The following FGFR4 variants were observed in gnomAD, a reference collection of about 807,000 sequenced individuals.
The protein encoded by FGFR4 is hydroxyaryl-protein kinase.
In FGFR4, 63 loss-of-function variants were observed where a neutral mutation model predicts 89.9. That is an observed-to-expected ratio of 0.70 (90% CI 0.57 to 0.86). The LOEUF is 0.86. Among genes scored for constraint, FGFR4 ranks in the 40% least tolerant of loss-of-function variants. The pLI is 0.00. For missense variants in FGFR4, 928 were observed against 1,106.7 expected (o/e 0.84, Z 2.29); for synonymous variants, 486 against 479.4 (o/e 1.01, Z -0.18).
intron 3 of FGFR4, 31 bp from the exon 4 acceptor site, chr5:177,090,714 C>G: frequency 6.4e-7 from 1 of 1,571,252 alleles, no homozygotes; most frequent in Non-Finnish European, 8.6e-7. Flanking sequence ...CCCTCTTGGA[C>G]CTTAGATGCT....
rs1364965971 is a variant in FGFR4, at chr5:177,093,310, C to T, written c.1230C>T (p.Ser410=). 1.9e-6 allele frequency: 3 copies of T among 1,613,818 alleles called. No individual in the cohort carries two copies. In the South Asian group the frequency reaches 3.3e-5, roughly 18 times the overall value. The change falls in exon 9 of 18, where the codon TCC becomes TCT. Residue 410 remains serine (S), a synonymous_variant. Coordinates refer to ENST00000292408, the MANE Select transcript of FGFR4 (RefSeq NM_213647.3). The surrounding 1 kb of genome is among the most constrained non-coding windows in gnomAD (Gnocchi z 5.8). ...PRPPATVQKL[S]RFPLARQFSL... is the part of the protein sequence containing the mutation. ...CGCCCGCCACTGTGCAGAAGCTCTCCCGCTTCCCTCTGGCCCGACAGGTAC... is the reference window on the plus strand; with the variant it reads ...CGCCCGCCACTGTGCAGAAGCTCTCTCGCTTCCCTCTGGCCCGACAGGTAC...
chr5:177,090,804 A>G lies in FGFR4; in HGVS notation c.415A>G (p.Arg139Gly). The G allele has an allele frequency of 6.2e-7, 1 of 1,614,064 alleles. No individual in the cohort carries two copies. Among genetic ancestry groups the G allele is most frequent in the Non-Finnish European group, 8.5e-7 (1 of 1,179,958 alleles). Reference protein sequence around the residue: ...DPKSHRDPSNRHSYPQQAPYW... With the variant: ...DPKSHRDPSNGHSYPQQAPYW... ...CAAGTCCCATAGGGACCCCTCGAAT[A>G]GGCACAGTTACCCCCAGCAAGGTCA... Residue 139 changes from arginine (R) to glycine (G), a missense_variant, in exon 4 of 18, where the codon AGG becomes GGG. Arg to Gly is a moderately radical substitution (Grantham distance 125). Around this residue, in one of 5 missense-constraint regions of FGFR4, gnomAD observed 741 missense variants for 836.9 expected, o/e 0.89. Coordinates refer to ENST00000292408, the MANE Select transcript of FGFR4 (RefSeq NM_213647.3).
At position 177,097,857 on chromosome 5, in the gene FGFR4, T is replaced by A. The variant is rs1784668147; in HGVS notation, c.*181T>A. 3 of 674,396 alleles carry A rather than the reference T, an allele frequency of 4.4e-6. No individual in the cohort carries two copies. In the African/African-American group the frequency reaches 5.4e-5, roughly 12 times the overall value. 41.8% of individuals were successfully genotyped at this position (674,396 alleles called of 1,614,324 possible). ...CGTGCCTGTGTCCTGATGGCCCAAA[T>A]GTCAGGGTTCTGCTCGGCTTCTTGG... is the stretch of plus-strand genomic sequence containing the variant. On this transcript the variant is annotated 3_prime_UTR_variant, in exon 18 of 18. Transcript: ENST00000292408.
rs776973649 is a variant in FGFR4 at position 177,096,290 on chromosome 5, C to T, written c.1948C>T (p.Arg650Cys). Residue 650 changes from arginine (R) to cysteine (C), a missense_variant, in exon 15 of 18, where the codon CGC (arginine) becomes TGC (cysteine). Physicochemically the swap from Arg to Cys is radical, Grantham distance 180. Around this residue, in one of 5 missense-constraint regions of FGFR4, gnomAD observed 27 missense variants for 64.4 expected, o/e 0.42. Transcript: ENST00000292408. Reference protein sequence around the residue: ...IDYYKKTSNGRLPVKWMAPEA... With the variant: ...IDYYKKTSNGCLPVKWMAPEA... ...TGAGGCCCTCTCTCCCCTCCAGGGC[C>T]GCCTGCCTGTGAAGTGGATGGCGCC... 1.1e-5 allele frequency: 17 copies of T among 1,614,128 alleles called. No individual in the cohort carries two copies. Among genetic ancestry groups the T allele is most frequent in the African/African-American group, 1.3e-5 (1 of 75,044 alleles).
rs61737768 is a variant in FGFR4 at position 177,093,464 on chromosome 5, G to C, written c.1310G>C (p.Arg437Pro). ...AGCTCATCCCTGGTACGAGGCGTGC[G>C]TCTCTCCTCCAGCGGCCCCGCCTTG... ...KSSSSLVRGV[R>P]LSSSGPALLA... is the part of the protein sequence containing the mutation. Residue 437 changes from arginine to proline, a missense_variant, in exon 10 of 18, where the codon CGT becomes CCT. Around this residue, in one of 5 missense-constraint regions of FGFR4, gnomAD observed 741 missense variants for 836.9 expected, o/e 0.89. Coordinates refer to ENST00000292408, the MANE Select transcript of FGFR4 (RefSeq NM_213647.3). The surrounding 1 kb of genome is among the most constrained non-coding windows in gnomAD (Gnocchi z 5.8). 6.2e-7 allele frequency: 1 copy of C among 1,614,008 alleles called. No individual in the cohort carries two copies. Among genetic ancestry groups the C allele is most frequent in the Non-Finnish European group, 8.5e-7 (1 of 1,180,018 alleles).
chr5:177,094,897 G>T, intron 11 of FGFR4: 1 of 176,784 alleles, frequency 5.7e-6, no homozygotes, highest in Non-Finnish European at 1.2e-5. Flanking sequence ...CAGGCCAGTT[G>T]GAAGCCAGGC....
rs746011046 is a variant in FGFR4 at position 177,092,898 on chromosome 5, G to A, written c.1057+114G>A. ...TGGCCTGTGGGGTCTGGCCTGGGGG[G>A]CAGTGTGTGGATTTGTGGGTTTGAG... On this transcript the variant is annotated intron_variant, in intron 8 of 17. Coordinates refer to ENST00000292408, the MANE Select transcript of FGFR4 (RefSeq NM_213647.3). The A allele has an allele frequency of 2.6e-5, 39 of 1,527,172 alleles. No homozygotes were observed. In the South Asian group the frequency reaches 3.5e-4, roughly 14 times the overall value. 94.6% of individuals were successfully genotyped at this position (1,527,172 alleles called of 1,614,324 possible). A position where few individuals can be genotyped will look rare whatever the true frequency, so the allele number is the denominator to read the frequency against.
chr5:177,090,852 C>A, intron 4 of FGFR4, 27 bp downstream of exon 4: 3 of 1,613,902 alleles, frequency 1.9e-6, no homozygotes, highest in Non-Finnish European at 2.5e-6. Context: ...GGACTTGTGT[C>A]CCCGCTGCTG....
At chr5:177,090,342 C>T (rs1305379229) in intron 2 of FGFR4, 48 bp from the exon 3 acceptor site, 1 of 1,598,986 alleles carries the variant, frequency 6.3e-7, no homozygotes. Context: ...CAGGAGGCTG[C>T]CTCAGATGGG....
rs1287130109 is a variant in FGFR4, at chr5:177,095,834, TCA to T, written c.1821+112_1821+113del. Reference sequence around the variant, plus strand: ...CTCTGCTCTTTTTCATGACCCCACCTCAGTGTCCCCAGGCATTCACGCTTTCC... The same window carrying T: ...CTCTGCTCTTTTTCATGACCCCACCTGTGTCCCCAGGCATTCACGCTTTCC... On this transcript the variant is annotated intron_variant, in intron 13 of 17. Coordinates refer to ENST00000292408, the MANE Select transcript of FGFR4 (RefSeq NM_213647.3). The surrounding 1 kb of genome is among the most constrained non-coding windows in gnomAD (Gnocchi z 5.7). 2.0e-5 allele frequency: 26 copies of T among 1,288,062 alleles called. No homozygotes were observed. In the East Asian group the frequency reaches 5.6e-4, roughly 28 times the overall value. 79.8% of individuals were successfully genotyped at this position (1,288,062 alleles called of 1,614,324 possible).
Position 177,095,042 on chromosome 5 carries a change from C to A in FGFR4, c.1520-288C>A. 1 of 415,736 alleles carries A rather than the reference C, an allele frequency of 2.4e-6. No homozygotes were observed. Among genetic ancestry groups the A allele is most frequent in the Non-Finnish European group, 4.5e-6 (1 of 220,802 alleles). 25.8% of individuals were successfully genotyped at this position (415,736 alleles called of 1,614,324 possible). A position where few individuals can be genotyped will look rare whatever the true frequency, so the allele number is the denominator to read the frequency against. On this transcript the variant is annotated intron_variant, in intron 11 of 17. Transcript: ENST00000292408. This position sits in a 1 kb window ranked among gnomAD's most constrained non-coding sequence, Gnocchi z 5.7. Reference sequence around the variant, plus strand: ...CTGCTCCGAGCTCTTCCCCTCTCTCCTGTGTCCTGGGCCTGCCCGCTGGAA... The same window carrying A: ...CTGCTCCGAGCTCTTCCCCTCTCTCATGTGTCCTGGGCCTGCCCGCTGGAA...
chr5:177,090,097 CT>C, intron 2 of FGFR4: 1 of 669,144 alleles, frequency 1.5e-6, no homozygotes, highest in Non-Finnish European at 2.7e-6. Context: ...CAGCATGTGC[CT>C]TGTGTGTGTG....
Position 177,095,510 on chromosome 5 carries a change from C to T in FGFR4, c.1631-23C>T, listed in dbSNP as rs757684920. On this transcript the variant is annotated intron_variant, in intron 12 of 17. Transcript: ENST00000292408. The surrounding 1 kb of genome is among the most constrained non-coding windows in gnomAD (Gnocchi z 5.7). Reference sequence around the variant, plus strand: ...AGCCAAAGCTTTGGCAGCCTCTCCACGCTCCCTCCACTCCCTCTGCAGGGC... The same window carrying T: ...AGCCAAAGCTTTGGCAGCCTCTCCATGCTCCCTCCACTCCCTCTGCAGGGC... The T allele has an allele frequency of 5.0e-6, 8 of 1,612,132 alleles. No homozygotes were observed. The highest frequency in any genetic ancestry group is 2.2e-5 in the East Asian group (1 of 44,808).
Position 177,097,272 on chromosome 5 carries a change from C to G in FGFR4, c.2154-20C>G. 1 of 1,569,918 alleles carries G rather than the reference C, an allele frequency of 6.4e-7. No homozygotes were observed. Reference sequence around the variant, plus strand: ...TGAAGGCCTGAGGCTCCCTGTGACCCTCCGCCCCACCTCTCGCAGGTACGG... The same window carrying G: ...TGAAGGCCTGAGGCTCCCTGTGACCGTCCGCCCCACCTCTCGCAGGTACGG... On this transcript the variant is annotated intron_variant, in intron 16 of 17. Coordinates refer to ENST00000292408, the MANE Select transcript of FGFR4 (RefSeq NM_213647.3).
rs1280259487 is a variant in FGFR4, at chr5:177,093,467, T to C, written c.1313T>C (p.Leu438Pro). 3 of 1,613,922 alleles carry C rather than the reference T, an allele frequency of 1.9e-6. No homozygotes were observed. The African/African-American group carries it at 4.0e-5, about 22-fold the overall frequency. The change falls in exon 10 of 18, where the codon CTC becomes CCC. Residue 438 changes from leucine to proline, a missense_variant. Physicochemically the swap from Leu to Pro is moderately conservative, Grantham distance 98 (BLOSUM62 -3). Coordinates refer to ENST00000292408, the MANE Select transcript of FGFR4 (RefSeq NM_213647.3). The surrounding 1 kb of genome is among the most constrained non-coding windows in gnomAD (Gnocchi z 5.8). ...SSSSLVRGVRLSSSGPALLAG... is the reference protein window; with the variant it reads ...SSSSLVRGVRPSSSGPALLAG... The stretch of plus-strand genomic sequence containing the variant: ...TCATCCCTGGTACGAGGCGTGCGTC[T>C]CTCCTCCAGCGGCCCCGCCTTGCTC...
In FGFR4 at chr5:177,090,864, T is replaced by G. The variant is rs749977519; in HGVS notation, c.436+39T>G. On this transcript the variant is annotated intron_variant, in intron 4 of 17. Coordinates refer to ENST00000292408, the MANE Select transcript of FGFR4 (RefSeq NM_213647.3). ...CAAGGACTTGTGTCCCCGCTGCTGCTCATCTGATCACTGAGAAGAGGAGGC... is the reference window on the plus strand; with the variant it reads ...CAAGGACTTGTGTCCCCGCTGCTGCGCATCTGATCACTGAGAAGAGGAGGC... 3 of 1,613,952 alleles carry G rather than the reference T, an allele frequency of 1.9e-6. No homozygotes were observed. The South Asian group carries it at 3.3e-5, about 18-fold the overall frequency.
intron 1 of FGFR4, chr5:177,088,579 C>T (rs1414133252): frequency 3.0e-5 from 3 of 99,808 alleles, no homozygotes; most frequent in African/African-American, 1.4e-4. Context: ...GCCCCTAGGA[C>T]TGCAGTGGTC....
Position 177,095,612 on chromosome 5 carries a change from C to T in FGFR4, c.1710C>T (p.Pro570=), listed in dbSNP as rs371365588. Residue 570 remains proline (P), a synonymous_variant, in exon 13 of 18, where the codon CCC becomes CCT. Coordinates refer to ENST00000292408, the MANE Select transcript of FGFR4 (RefSeq NM_213647.3). This position sits in a 1 kb window ranked among gnomAD's most constrained non-coding sequence, Gnocchi z 5.7. Reference sequence around the variant, plus strand: ...TGCGGGCCCGGCGCCCCCCAGGCCCCGACCTCAGCCCCGACGGTCCTCGGA... The same window carrying T: ...TGCGGGCCCGGCGCCCCCCAGGCCCTGACCTCAGCCCCGACGGTCCTCGGA... ...EFLRARRPPG[P]DLSPDGPRSS... 3.2e-4 allele frequency: 516 copies of T among 1,604,962 alleles called. No individual in the cohort carries two copies. Among genetic ancestry groups the T allele is most frequent in the Non-Finnish European group, 4.3e-4 (508 of 1,176,970 alleles).
At position 177,090,940 on chromosome 5, in the gene FGFR4, C is replaced by T. The variant is rs899749434; in HGVS notation, c.439C>T (p.Pro147Ser). 6.2e-7 allele frequency: 1 copy of T among 1,614,110 alleles called. No individual in the cohort carries two copies. Among genetic ancestry groups the T allele is most frequent in the Non-Finnish European group, 8.5e-7 (1 of 1,179,958 alleles). The change falls in exon 5 of 18, where the codon CCC becomes TCC. Residue 147 changes from proline to serine, a missense_variant and splice_region_variant. Around this residue, in one of 5 missense-constraint regions of FGFR4, gnomAD observed 741 missense variants for 836.9 expected, o/e 0.89. Transcript: ENST00000292408. ...SNRHSYPQQA[P>S]YWTHPQRMEK... is the part of the protein sequence containing the mutation. Reference sequence around the variant, plus strand: ...AGGGGCCTTCCCCTGCCCTCCAGCACCCTACTGGACACACCCCCAGCGCAT... The same window carrying T: ...AGGGGCCTTCCCCTGCCCTCCAGCATCCTACTGGACACACCCCCAGCGCAT...
Sources: gnomAD v4.1 joint callset for allele counts on GRCh38, gnomAD v4.1.1 for gene constraint, gnomAD v4.1.1 regional missense constraint, Gnocchi (gnomAD v3.1) non-coding constraint, MANE v1.5 for transcripts, NCBI Gene and HGNC (gene_info 2026-07-23, HGNC 2026-07-21) for gene names.